The following ASAP3 variants were observed in gnomAD, a reference collection of about 807,000 sequenced individuals.
ASAP3 encodes ArfGAP with SH3 domain, ankyrin repeat and PH domain 3, also known as arf-GAP with SH3 domain, ANK repeat and PH domain-containing protein 3.
ASAP3 carries 85 observed loss-of-function variants against 118.2 expected under a neutral mutation model. The observed-to-expected ratio is 0.72, with a 90% CI of 0.60 to 0.86. The LOEUF (loss-of-function observed/expected upper bound fraction) is 0.86, where lower values mean the gene tolerates loss of function less well. Among genes scored for constraint, ASAP3 ranks in the 40% least tolerant of loss-of-function variants. The pLI, the probability that ASAP3 is intolerant of heterozygous loss-of-function variation, is 0.00. For missense variants in ASAP3, 1,026 were observed against 1,175.0 expected, an observed-to-expected ratio of 0.87 and a Z score of 1.85; for synonymous variants, 432 against 477.4, an observed-to-expected ratio of 0.90 and a Z score of 1.24.
rs1228054866 is a variant in ASAP3 at position 23,437,136 on chromosome 1, C to T, written c.1336G>A (p.Ala446Thr). 4 of 1,604,006 alleles carry T rather than the reference C, an allele frequency of 2.5e-6. No homozygotes were observed. Among genetic ancestry groups the T allele is most frequent in the Non-Finnish European group, 3.4e-6 (4 of 1,174,952 alleles). The change falls in exon 14 of 25, where the codon GCT becomes ACT. Residue 446 changes from alanine (A) to threonine (T), a missense_variant. Transcript: ENST00000336689. This position sits in a 1 kb window ranked among gnomAD's most constrained non-coding sequence, Gnocchi z 6.1. ...CCCGGCCCCGGGGACCGACCTGCAG[C>T]CCCGCAGTCGCAGCACTGGCTATTC... Reference protein sequence around the residue: ...PGNSQCCDCGAADPTWLSTNL... With the variant: ...PGNSQCCDCGTADPTWLSTNL...
In ASAP3 at chr1:23,480,396, G is replaced by A. The variant is rs116725289; in HGVS notation, c.129+3609C>T. ...TTCCCAATATGCTCTCTTCCCACCA[G>A]TCTCTGAATTCACTCCCTTGTCCTC... On this transcript the variant is annotated intron_variant, in intron 1 of 24. Coordinates refer to ENST00000336689, the MANE Select transcript of ASAP3 (RefSeq NM_017707.4). 4.8e-3 allele frequency among the ~76,000 whole-genome samples: 729 copies of A among 152,210 alleles called. 5 individuals are homozygous for A. Among genetic ancestry groups the A allele is most frequent in the Non-Finnish European group, 7.9e-3 (537 of 68,016 alleles).
chr1:23,442,536 T>C lies in ASAP3; in HGVS notation c.550A>G (p.Arg184Gly). The C allele has an allele frequency of 1.2e-6, 2 of 1,613,978 alleles. No individual in the cohort carries two copies. Among genetic ancestry groups the C allele is most frequent in the Non-Finnish European group, 1.7e-6 (2 of 1,179,958 alleles). The part of the protein sequence containing the change: ...IPGEVAQDMQ[R>G]ERRIFQLHMC... ...TGCAGCTGGAAGATGCGCCGCTCTC[T>C]CTGCATGTCCTGGGCCACCTCCCCA... The change falls in exon 6 of 25, where the codon AGA (arginine) becomes GGA (glycine). Residue 184 changes from arginine to glycine, a missense_variant. Arg to Gly is a moderately radical substitution (Grantham distance 125). Transcript: ENST00000336689.
chr1:23,454,369 G>A lies in ASAP3; in HGVS notation c.348+1512C>T, dbSNP rs375831858. Among the ~76,000 whole-genome samples, 11 of 152,070 alleles carry A rather than the reference G, an allele frequency of 7.2e-5. No individual in the cohort carries two copies. In the South Asian group the frequency reaches 1.7e-3, roughly 23 times the overall value. ...ACCCAACTAATTTTTGTATTTTTTC[G>A]CAAAGACAGTTTCACCATGTTGGCC... On this transcript the variant is annotated intron_variant, in intron 3 of 24. Coordinates refer to ENST00000336689, the MANE Select transcript of ASAP3 (RefSeq NM_017707.4).
At chr1:23,445,822 T>C (rs545676141) in intron 5 of ASAP3, among the ~76,000 whole-genome samples, 18 of 151,404 alleles carry the variant, frequency 1.2e-4, no homozygotes, top group Non-Finnish European at 2.1e-4. Flanking sequence ...TAAAACAAAA[T>C]TTTAAACCAT....
At chr1:23,478,144 C>T (rs1488364762) in intron 1 of ASAP3, among the ~76,000 whole-genome samples, 2 of 152,230 alleles carry the variant, frequency 1.3e-5, no homozygotes, top group African/African-American at 2.4e-5. Context: ...TTGCTGCACC[C>T]CCTTAGCATT....
chr1:23,449,234 A>G (rs1200296832), intron 5 of ASAP3, among the ~76,000 whole-genome samples: 3 of 152,224 alleles, frequency 2.0e-5, no homozygotes, highest in African/African-American at 7.2e-5. Flanking sequence ...TAGGTGGTCA[A>G]TAAATACTTG....
chr1:23,429,226 T>A lies in ASAP3; in HGVS notation c.*630A>T, dbSNP rs1640340563. 6.6e-6 allele frequency: 1 copy of A among 152,430 alleles called. No homozygotes were observed. The highest frequency in any genetic ancestry group is 2.4e-5 in the African/African-American group (1 of 41,554). 9.4% of individuals were successfully genotyped at this position (152,430 alleles called of 1,614,324 possible). ...AATGGATGTGATCTGTAGACAATTG[T>A]AATGGTCATATAGGTATAAACCAGC... On this transcript the variant is annotated 3_prime_UTR_variant, in exon 25 of 25. Coordinates refer to ENST00000336689, the MANE Select transcript of ASAP3 (RefSeq NM_017707.4).
At position 23,441,491 on chromosome 1, in the gene ASAP3, G is replaced by A; in HGVS notation, c.748-18C>T. 6.2e-7 allele frequency: 1 copy of A among 1,613,548 alleles called. No individual in the cohort carries two copies. The highest frequency in any genetic ancestry group is 8.5e-7 in the Non-Finnish European group (1 of 1,179,632). On this transcript the variant is annotated intron_variant, in intron 8 of 24. Coordinates refer to ENST00000336689, the MANE Select transcript of ASAP3 (RefSeq NM_017707.4). ...TGATGGAGCTATGGGACAGAGGATG[G>A]GATCCCATCACCAGCCAACAAATAT... is the stretch of plus-strand genomic sequence containing the variant.
intron 1 of ASAP3, among the ~76,000 whole-genome samples, chr1:23,464,677 A>T (rs1273981713): frequency 1.3e-5 from 2 of 148,560 alleles, no homozygotes; most frequent in Non-Finnish European, 3.0e-5. Flanking sequence ...AAAAAAAAAA[A>T]AAAAAAAAAA....
At chr1:23,433,771 A>C (rs1640534233) in intron 19 of ASAP3, 78 bp from the exon 20 acceptor site, 3 of 1,579,172 alleles carry the variant, frequency 1.9e-6, no homozygotes, top group Admixed American at 3.5e-5. Flanking sequence ...GGGCCTCTGG[A>C]ATCAGAATGT....
At chr1:23,433,347 C>A (rs1469455883) in intron 21 of ASAP3, 75 bp from the exon 22 acceptor site, 2 of 1,612,178 alleles carry the variant, frequency 1.2e-6, no homozygotes, top group Non-Finnish European at 8.5e-7. Flanking sequence ...CCTCACCGCC[C>A]CCGCCAACAC....
intron 3 of ASAP3, among the ~76,000 whole-genome samples, chr1:23,455,074 G>A (rs927641306): frequency 2.0e-5 from 3 of 152,202 alleles, no homozygotes; most frequent in African/African-American, 7.2e-5. Flanking sequence ...AGGCTTTCCT[G>A]GGAGGCAGTG....
chr1:23,481,744 A>T (rs1642314677), intron 1 of ASAP3, among the ~76,000 whole-genome samples: 1 of 152,224 alleles, frequency 6.6e-6, no homozygotes. Context: ...ACACTTACAC[A>T]GCCAGGCAAG....
Position 23,436,536 on chromosome 1 carries a change from C to T in ASAP3, c.1571+24G>A. 1 of 1,612,398 alleles carries T rather than the reference C, an allele frequency of 6.2e-7. No individual in the cohort carries two copies. ...AGGCAGAATCCCCTAGGCAGGGTGC[C>T]CCTCTCTCTGAGAATCCCCTTACAT... On this transcript the variant is annotated intron_variant, in intron 16 of 24. Coordinates refer to ENST00000336689, the MANE Select transcript of ASAP3 (RefSeq NM_017707.4). This position sits in a 1 kb window ranked among gnomAD's most constrained non-coding sequence, Gnocchi z 4.2.
Position 23,434,530 on chromosome 1 carries a change from C to T in ASAP3, c.1835+3G>A, listed in dbSNP as rs200054999. ...CCAGACAGACAGGCAGGGAGGCTCT[C>T]ACCCGTTCTGGATGATGAAATCCAC... is the stretch of plus-strand genomic sequence containing the variant. On this transcript the variant is annotated splice_donor_region_variant and intron_variant, in intron 18 of 24. Transcript: ENST00000336689. The T allele has an allele frequency of 1.2e-6, 2 of 1,614,058 alleles. No homozygotes were observed. The highest frequency in any genetic ancestry group is 2.2e-5 in the East Asian group (1 of 44,876).
rs1640681433 is a variant in ASAP3, at chr1:23,436,882, G to A, written c.1476+29C>T. The A allele has an allele frequency of 6.2e-7, 1 of 1,603,336 alleles. No individual in the cohort carries two copies. Among genetic ancestry groups the A allele is most frequent in the Admixed American group, 1.7e-5 (1 of 59,102 alleles). ...AACTACACCCCTAACTCCGCTTCTG[G>A]CCCCTTCCAGGCCCCGCCCCGCCCT... is the stretch of plus-strand genomic sequence containing the variant. On this transcript the variant is annotated intron_variant, in intron 15 of 24. Transcript: ENST00000336689. This position sits in a 1 kb window ranked among gnomAD's most constrained non-coding sequence, Gnocchi z 4.2.
At chr1:23,441,567 T>G (rs1640874423) in intron 8 of ASAP3, 88 bp downstream of exon 8, 1 of 1,600,082 alleles carries the variant, frequency 6.2e-7, no homozygotes, top group African/African-American at 1.3e-5. Flanking sequence ...CCTCACTCTG[T>G]GGGCAGAAGC....
chr1:23,442,185 C>G lies in ASAP3; in HGVS notation c.671+1G>C. On this transcript the variant is annotated splice_donor_variant, in intron 7 of 24. Coordinates refer to ENST00000336689, the MANE Select transcript of ASAP3 (RefSeq NM_017707.4). LOFTEE classifies it high-confidence loss of function. ...TGGCAGGGACGCGGGAAGATACCTACTTGTGCTGGGCGTGGAAGAACTTGA... is the reference window on the plus strand; with the variant it reads ...TGGCAGGGACGCGGGAAGATACCTAGTTGTGCTGGGCGTGGAAGAACTTGA... 6.3e-7 allele frequency: 1 copy of G among 1,596,632 alleles called. No homozygotes were observed. Among genetic ancestry groups the G allele is most frequent in the Non-Finnish European group, 8.5e-7 (1 of 1,172,522 alleles).
intron 5 of ASAP3, among the ~76,000 whole-genome samples, chr1:23,449,713 C>T (rs745648549): frequency 2.6e-5 from 4 of 152,180 alleles, no homozygotes; most frequent in Non-Finnish European, 4.4e-5. Context: ...GCCCTGGGTT[C>T]TAGTCCAGGT....
Sources: gnomAD v4.1 joint callset for allele counts (sites outside exome capture counted in the v4.1 genomes callset) on GRCh38, gnomAD v4.1.1 for gene constraint, Gnocchi (gnomAD v3.1) non-coding constraint, MANE v1.5 for transcripts, NCBI Gene and HGNC (gene_info 2026-07-23, HGNC 2026-07-21) for gene names.